PPARG: variants seen among roughly 807,000 people sequenced by gnomAD.
The protein encoded by PPARG is peroxisome proliferator activated receptor gamma.
In PPARG, 17 loss-of-function variants were observed where a neutral mutation model predicts 39.2. That is an observed-to-expected ratio of 0.43 (90% CI 0.30 to 0.65). The LOEUF (loss-of-function observed/expected upper bound fraction) is 0.65, where lower values mean the gene tolerates loss of function less well. Ranked by LOEUF, PPARG falls within the 30% of genes least tolerant of loss-of-function variation. The pLI, the probability that PPARG is intolerant of heterozygous loss-of-function variation, is 0.13. For missense variants in PPARG, 406 were observed against 585.9 expected (o/e 0.69, Z 3.17); for synonymous variants, 223 against 215.7 (o/e 1.03, Z -0.30).
intron 2 of PPARG, among the ~76,000 whole-genome samples, chr3:12,336,063 A>G (rs1332110284): frequency 6.6e-6 from 1 of 152,196 alleles, no homozygotes; most frequent in South Asian, 2.1e-4. Flanking sequence ...GTAAGGAGGT[A>G]TATGCCCATC....
intron 2 of PPARG, among the ~76,000 whole-genome samples, chr3:12,338,151 A>C (rs771558252): frequency 1.3e-5 from 2 of 152,368 alleles, no homozygotes; most frequent in African/African-American, 2.4e-5. Context: ...TAGGTAGGAA[A>C]GTATGACTTA....
At position 12,343,861 on chromosome 3, in the gene PPARG, AT is replaced by A. The variant is rs3031383; in HGVS notation, c.-9+31425del. Among the ~76,000 whole-genome samples the A allele has an allele frequency of 3.2e-3, 419 of 131,006 alleles. 5 individuals are homozygous for A. The highest frequency in any genetic ancestry group is 8.7e-3 in the African/African-American group (281 of 32,164). The allele number at this position is 131,006 out of a possible 152,430, so 85.9% of individuals were successfully genotyped here. A position where few individuals can be genotyped will look rare whatever the true frequency, so the allele number is the denominator to read the frequency against. ...TGGGGCTACCATTCAATCTCACCGA[AT>A]TTTTTTTTTTTTTTTTGAGACAGAA... On this transcript the variant is annotated intron_variant, in intron 2 of 7. Coordinates refer to ENST00000651735, the MANE Select transcript of PPARG (RefSeq NM_138711.6).
At chr3:12,354,443 G>T (rs1426345036) in intron 2 of PPARG, among the ~76,000 whole-genome samples, 2 of 149,448 alleles carry the variant, frequency 1.3e-5, no homozygotes, top group Admixed American at 1.3e-4. Flanking sequence ...AGAATAGAAG[G>T]CTCCGTTTAA....
chr3:12,327,850 T>C (rs539777965), intron 2 of PPARG, among the ~76,000 whole-genome samples: 11 of 152,348 alleles, frequency 7.2e-5, no homozygotes, highest in African/African-American at 2.4e-4. Flanking sequence ...GTGTCCTTTG[T>C]TATCACAAAC....
chr3:12,384,801 T>C (rs1211584880), intron 4 of PPARG, among the ~76,000 whole-genome samples: 1 of 152,198 alleles, frequency 6.6e-6, no homozygotes, highest in Non-Finnish European at 1.5e-5. Flanking sequence ...GACATAGCTC[T>C]GGTAGCTAAT....
intron 2 of PPARG, among the ~76,000 whole-genome samples, chr3:12,337,622 A>G (rs2048051295): frequency 6.6e-6 from 1 of 152,208 alleles, no homozygotes; most frequent in Non-Finnish European, 1.5e-5. Flanking sequence ...GACTTGCCTG[A>G]ATTCATAAAC....
intron 5 of PPARG, among the ~76,000 whole-genome samples, chr3:12,393,452 T>G (rs1363551187): frequency 6.6e-6 from 1 of 152,146 alleles, no homozygotes; most frequent in African/African-American, 2.4e-5. Context: ...GTTTTCATGA[T>G]CTGTGGAACT....
At chr3:12,322,396 A>G (rs1379964144) in intron 2 of PPARG, among the ~76,000 whole-genome samples, 1 of 152,248 alleles carries the variant, frequency 6.6e-6, no homozygotes, top group Non-Finnish European at 1.5e-5. Flanking sequence ...GAATTGTGAC[A>G]TATTCCTTGC....
At chr3:12,325,455 A>G (rs2047666858) in intron 2 of PPARG, among the ~76,000 whole-genome samples, 1 of 151,520 alleles carries the variant, frequency 6.6e-6, no homozygotes, top group Non-Finnish European at 1.5e-5. Flanking sequence ...ATAAAAAACG[A>G]GCCAGTGTCG....
intron 1 of PPARG, among the ~76,000 whole-genome samples, chr3:12,292,372 C>A (rs370157089): frequency 1.3e-5 from 2 of 152,076 alleles, no homozygotes; most frequent in African/African-American, 4.8e-5. Context: ...GAATTCTTAA[C>A]GTATATTCCC....
chr3:12,376,246 G>A (rs960624272), intron 2 of PPARG, among the ~76,000 whole-genome samples: 3 of 152,050 alleles, frequency 2.0e-5, no homozygotes, highest in African/African-American at 7.2e-5. Flanking sequence ...ACCGCACCCG[G>A]CCTCAGGGCA....
At chr3:12,407,802 T>C (rs1341559859) in intron 6 of PPARG, among the ~76,000 whole-genome samples, 1 of 152,216 alleles carries the variant, frequency 6.6e-6, no homozygotes, top group Non-Finnish European at 1.5e-5. Context: ...CATAAAGCCA[T>C]ATGGTAATAA....
At chr3:12,314,604 T>C (rs898819470) in intron 2 of PPARG, among the ~76,000 whole-genome samples, 2 of 152,126 alleles carry the variant, frequency 1.3e-5, no homozygotes, top group Non-Finnish European at 2.9e-5. Flanking sequence ...CTTCAAAATA[T>C]CTGACCCTCG....
At chr3:12,392,552 T>C in intron 4 of PPARG, 62 bp from the exon 5 acceptor site, 1 of 1,582,410 alleles carries the variant, frequency 6.3e-7, no homozygotes, top group Non-Finnish European at 8.7e-7. Context: ...CCTTTCGCTG[T>C]AGGTTGCTGC....
At chr3:12,297,726 G>A (rs2046822289) in intron 1 of PPARG, 1 of 152,076 alleles carries the variant, frequency 6.6e-6, no homozygotes, top group African/African-American at 2.4e-5. Flanking sequence ...TGATCTACTT[G>A]ATCTTTAGCA....
rs535473596 is a variant in PPARG at position 12,404,876 on chromosome 3, A to G, written c.530-1006A>G. 9.8e-5 allele frequency among the ~76,000 whole-genome samples: 15 copies of G among 152,352 alleles called. No individual in the cohort carries two copies. The East Asian group carries it at 1.2e-3, about 12-fold the overall frequency. On this transcript the variant is annotated intron_variant, in intron 5 of 7. Coordinates refer to ENST00000651735, the MANE Select transcript of PPARG (RefSeq NM_138711.6). ...GCAGAGACAGAGTCTTGCTAGAGACATAAACAAATATGACAGTCTCTGCGC... is the reference window on the plus strand; with the variant it reads ...GCAGAGACAGAGTCTTGCTAGAGACGTAAACAAATATGACAGTCTCTGCGC...
chr3:12,319,347 G>A (rs1288036721), intron 2 of PPARG, among the ~76,000 whole-genome samples: 1 of 152,154 alleles, frequency 6.6e-6, no homozygotes, highest in Non-Finnish European at 1.5e-5. Context: ...CTAATAACTT[G>A]TGCAAATCTA....
chr3:12,431,701 A>G (rs1575161081), intron 7 of PPARG, among the ~76,000 whole-genome samples: 2 of 152,178 alleles, frequency 1.3e-5, no homozygotes, highest in East Asian at 3.8e-4. Context: ...GCACTTTGGG[A>G]GGCTGAGGCA....
Position 12,329,071 on chromosome 3 carries a change from A to G in PPARG, c.-9+16618A>G, listed in dbSNP as rs565007317. Among the ~76,000 whole-genome samples the G allele has an allele frequency of 2.6e-5, 4 of 152,222 alleles. No homozygotes were observed. The South Asian group carries it at 6.2e-4, about 24-fold the overall frequency. ...AGGTGGGCCAATTATTCAATTTTCA[A>G]GAATTTTGTTGCAAGCCAGTTGTTA... On this transcript the variant is annotated intron_variant, in intron 2 of 7. Transcript: ENST00000651735.
Sources: gnomAD v4.1 joint callset for allele counts (sites outside exome capture counted in the v4.1 genomes callset) on GRCh38, gnomAD v4.1.1 for gene constraint, MANE v1.5 for transcripts, NCBI Gene and HGNC (gene_info 2026-07-23, HGNC 2026-07-21) for gene names.